The following KAT6B variants were observed in gnomAD, a reference collection of about 807,000 sequenced individuals.
KAT6B encodes the protein histone acetyltransferase KAT6B.
A neutral mutation model predicts 187.5 loss-of-function variants in KAT6B; 10 were observed. That is an observed-to-expected ratio of 0.05 (90% CI 0.03 to 0.09). The LOEUF is 0.09. Among genes scored for constraint, KAT6B ranks in the 10% least tolerant of loss-of-function variants. The probability of loss-of-function intolerance (pLI) is 1.00; values close to 1 mark genes in which losing one functional copy is unlikely to be tolerated. For missense variants in KAT6B, 1,952 were observed against 2,558.9 expected, an observed-to-expected ratio of 0.76 and a Z score of 5.12; for synonymous variants, 861 against 926.8, an observed-to-expected ratio of 0.93 and a Z score of 1.29.
intron 3 of KAT6B, among the ~76,000 whole-genome samples, chr10:74,867,292 G>A (rs1843622350): frequency 6.6e-6 from 1 of 152,142 alleles, no homozygotes; most frequent in Non-Finnish European, 1.5e-5. Context: ...TGCTCTTGTA[G>A]TGGGTTTTTG....
At chr10:74,890,620 G>T (rs1225232586) in intron 3 of KAT6B, among the ~76,000 whole-genome samples, 1 of 152,178 alleles carries the variant, frequency 6.6e-6, no homozygotes, top group East Asian at 1.9e-4. Context: ...CGGAGTACAC[G>T]TCTATTAAAG....
intron 3 of KAT6B, among the ~76,000 whole-genome samples, chr10:74,861,042 C>T (rs904169948): frequency 3.9e-5 from 6 of 151,950 alleles, no homozygotes; most frequent in Non-Finnish European, 7.4e-5. Flanking sequence ...GAGGCTGAGG[C>T]GGGAGAATCA....
chr10:74,861,059 C>A (rs1025377260), intron 3 of KAT6B, among the ~76,000 whole-genome samples: 2 of 151,966 alleles, frequency 1.3e-5, no homozygotes, highest in Non-Finnish European at 2.9e-5. Flanking sequence ...ATCACTTGAA[C>A]CCGGGAGGTG....
chr10:75,013,328 GCCATTTCTTAAGA>G (rs1302175077), intron 13 of KAT6B, among the ~76,000 whole-genome samples: 1 of 151,866 alleles, frequency 6.6e-6, no homozygotes, highest in African/African-American at 2.4e-5. Flanking sequence ...GAACTTTGTT[GCCATTTCTTAAGA>G]CCACTCCTGA....
chr10:74,979,664 T>C (rs1252398838), intron 10 of KAT6B, among the ~76,000 whole-genome samples: 1 of 151,718 alleles, frequency 6.6e-6, no homozygotes, highest in Non-Finnish European at 1.5e-5. Flanking sequence ...TTTGCCATGG[T>C]GAATTATTGG....
rs67324777 is a variant in KAT6B at position 74,899,248 on chromosome 10, AATTATTATTATTATTATT to A, written c.621+55795_621+55812del. Among the ~76,000 whole-genome samples, 18 of 142,326 alleles carry A rather than the reference AATTATTATTATTATTATT, an allele frequency of 1.3e-4. 1 individual carries two copies. In the South Asian group the frequency reaches 2.0e-3, roughly 16 times the overall value. The allele number at this position is 142,326 out of a possible 152,430, so 93.4% of individuals were successfully genotyped here. On this transcript the variant is annotated intron_variant, in intron 3 of 17. Transcript: ENST00000287239. The stretch of plus-strand genomic sequence containing the variant: ...ACAACTATTTCTAAAATTCTAAATG[AATTATTATTATTATTATT>A]ATTATTATTATTATTATTATTATTT...
At chr10:74,890,841 T>C (rs1292969287) in intron 3 of KAT6B, among the ~76,000 whole-genome samples, 1 of 152,214 alleles carries the variant, frequency 6.6e-6, no homozygotes, top group East Asian at 1.9e-4. Flanking sequence ...TATGTTCAAA[T>C]CTTGAGTTAA....
chr10:75,007,739 T>G (rs1282581709), intron 13 of KAT6B, among the ~76,000 whole-genome samples: 40 of 152,212 alleles, frequency 2.6e-4, no homozygotes. Context: ...TTATTTTTGT[T>G]TTTTAGAAAG....
intron 3 of KAT6B, among the ~76,000 whole-genome samples, chr10:74,937,754 C>G (rs1849366364): frequency 6.6e-6 from 1 of 152,234 alleles, no homozygotes; most frequent in South Asian, 2.1e-4. Context: ...ACCAGAATAT[C>G]TGTTCATAGT....
intron 3 of KAT6B, among the ~76,000 whole-genome samples, chr10:74,887,807 G>A (rs1845386195): frequency 6.6e-6 from 1 of 151,870 alleles, no homozygotes; most frequent in African/African-American, 2.4e-5. Context: ...AGGAGTTTGA[G>A]ACCAGCCTGG....
Position 74,842,734 on chromosome 10 carries a change from A to T in KAT6B, c.-124A>T. The T allele has an allele frequency of 9.5e-7, 1 of 1,054,840 alleles. No homozygotes were observed. Among genetic ancestry groups the T allele is most frequent in the South Asian group, 1.3e-5 (1 of 79,292 alleles). The allele number at this position is 1,054,840 out of a possible 1,614,324, so 65.3% of individuals were successfully genotyped here. The stretch of plus-strand genomic sequence containing the variant: ...GATGGATGTTTGTAAGATGTTGCTT[A>T]ATACAGTCTGGAATACTCTGTCCAT... On this transcript the variant is annotated 5_prime_UTR_variant, in exon 3 of 18. Transcript: ENST00000287239.
chr10:74,909,188 T>A (rs1847015245), intron 3 of KAT6B, among the ~76,000 whole-genome samples: 2 of 152,194 alleles, frequency 1.3e-5, no homozygotes, highest in Non-Finnish European at 2.9e-5. Flanking sequence ...CTTGCCACAA[T>A]GGCGAAACCC....
In KAT6B at chr10:74,972,455, T is replaced by C; in HGVS notation, c.929-52T>C. On this transcript the variant is annotated intron_variant, in intron 6 of 17. Coordinates refer to ENST00000287239, the MANE Select transcript of KAT6B (RefSeq NM_012330.4). Reference sequence around the variant, plus strand: ...ACAGCTACAACTTATATTTAATATCTTCTCTTAAAATGAAACATTAAAATA... The same window carrying C: ...ACAGCTACAACTTATATTTAATATCCTCTCTTAAAATGAAACATTAAAATA... 2.3e-6 allele frequency: 3 copies of C among 1,314,286 alleles called. No individual in the cohort carries two copies. In the South Asian group the frequency reaches 4.0e-5, roughly 17 times the overall value. 81.4% of individuals were successfully genotyped at this position (1,314,286 alleles called of 1,614,324 possible).
chr10:74,977,349 G>A lies in KAT6B; in HGVS notation c.2027G>A (p.Ser676Asn). Residue 676 changes from serine (S) to asparagine (N), a missense_variant, in exon 9 of 18, where the codon AGT becomes AAT. This residue lies in a region of KAT6B where 417 missense variants were observed against 508.9 expected (regional missense o/e 0.82). Coordinates refer to ENST00000287239, the MANE Select transcript of KAT6B (RefSeq NM_012330.4). ...ATAAAAATAAACATCAAACAAGAAA[G>A]TGCAGATGTAAATGTGATTGGAAAC... ...TEIKINIKQE[S>N]ADVNVIGNKD... 6.2e-7 allele frequency: 1 copy of A among 1,613,568 alleles called. No individual in the cohort carries two copies. Among genetic ancestry groups the A allele is most frequent in the African/African-American group, 1.3e-5 (1 of 75,028 alleles).
At chr10:75,026,645 A>G (rs1845864380) in intron 17 of KAT6B, among the ~76,000 whole-genome samples, 1 of 151,946 alleles carries the variant, frequency 6.6e-6, no homozygotes, top group Admixed American at 6.6e-5. Context: ...TTTTTTAAAC[A>G]AATAACAAAC....
Position 75,028,812 on chromosome 10 carries a change from T to C in KAT6B, c.3988T>C (p.Cys1330Arg). Residue 1330 changes from cysteine to arginine, a missense_variant, in exon 18 of 18, where the codon TGT becomes CGT. Cys to Arg is a radical substitution (Grantham distance 180). Coordinates refer to ENST00000287239, the MANE Select transcript of KAT6B (RefSeq NM_012330.4). ...AGAGGAAAACAGAAGGGAAGAAACA[T>C]GTGCCCCTGTAAGTCCAAACACATC... Reference protein sequence around the residue: ...PQEENRREETCAPVSPNTSPG... With the variant: ...PQEENRREETRAPVSPNTSPG... 6.2e-7 allele frequency: 1 copy of C among 1,613,652 alleles called. No individual in the cohort carries two copies. Among genetic ancestry groups the C allele is most frequent in the East Asian group, 2.2e-5 (1 of 44,862 alleles).
chr10:74,988,599 C>G (rs1842952189), intron 12 of KAT6B, among the ~76,000 whole-genome samples: 1 of 152,220 alleles, frequency 6.6e-6, no homozygotes, highest in South Asian at 2.1e-4. Context: ...ATTGCTGTTG[C>G]AGAGTTGTAG....
intron 13 of KAT6B, among the ~76,000 whole-genome samples, chr10:75,011,654 C>T (rs1844615626): frequency 6.6e-6 from 1 of 152,160 alleles, no homozygotes; most frequent in African/African-American, 2.4e-5. Flanking sequence ...GTGGCAGGTG[C>T]CTCATTTTCC....
intron 3 of KAT6B, among the ~76,000 whole-genome samples, chr10:74,923,309 G>A (rs1191038386): frequency 1.3e-5 from 2 of 152,192 alleles, no homozygotes; most frequent in Non-Finnish European, 2.9e-5. Context: ...AGCACCTGGT[G>A]TATGTCAGGC....
Sources: allele counts gnomAD v4.1 joint callset (sites outside exome capture counted in the v4.1 genomes callset), GRCh38; gene constraint gnomAD v4.1.1; regional missense constraint gnomAD v4.1.1; transcripts MANE v1.5; gene names NCBI Gene and HGNC (gene_info 2026-07-23, HGNC 2026-07-21).